Variants in SENP6 observed in about 807,000 individuals in gnomAD.
SENP6 encodes the protein SUMO specific peptidase 6, also known as sentrin-specific protease 6.
A neutral mutation model predicts 134.5 loss-of-function variants in SENP6; 41 were observed. The ratio of observed to expected loss-of-function variants is 0.30; its 90% CI spans 0.24 to 0.40. The LOEUF is 0.40. Among genes scored for constraint, SENP6 ranks in the 10% least tolerant of loss-of-function variants. The pLI, the probability that SENP6 is intolerant of heterozygous loss-of-function variation, is 1.00. For synonymous variants in SENP6, 395 were observed against 429.8 expected (o/e 0.92, Z 1.00); for missense variants, 1,248 against 1,312.5 (o/e 0.95, Z 0.76).
chr6:75,627,072 T>C (rs1768752918), intron 3 of SENP6, among the ~76,000 whole-genome samples: 1 of 152,128 alleles, frequency 6.6e-6, no homozygotes, highest in Non-Finnish European at 1.5e-5. Flanking sequence ...CAAGTGATTC[T>C]CCTGCCTCAG....
At chr6:75,624,055 T>TA in intron 3 of SENP6, 95 bp downstream of exon 3, 1 of 977,012 alleles carries the variant, frequency 1.0e-6, no homozygotes. Flanking sequence ...AAACCCCAGT[T>TA]ACCCACTTTC....
intron 16 of SENP6, among the ~76,000 whole-genome samples, chr6:75,689,839 A>G (rs1562053711): frequency 6.6e-6 from 1 of 152,170 alleles, no homozygotes; most frequent in Non-Finnish European, 1.5e-5. Context: ...GCACAACTTC[A>G]AATTACCTCA....
At chr6:75,646,151 A>G (rs1260712198) in intron 6 of SENP6, among the ~76,000 whole-genome samples, 2 of 152,242 alleles carry the variant, frequency 1.3e-5, no homozygotes, top group Non-Finnish European at 2.9e-5. Flanking sequence ...GTGAAAGTGT[A>G]TGGAATTTGA....
chr6:75,640,650 C>T (rs187147134), intron 5 of SENP6, 34 bp from the exon 6 acceptor site: 120 of 1,473,086 alleles, frequency 8.1e-5, no homozygotes, highest in Admixed American at 2.1e-5. Context: ...TGAGGTCTTG[C>T]CTCTTATATT....
intron 17 of SENP6, among the ~76,000 whole-genome samples, chr6:75,696,625 C>T (rs766672526): frequency 1.4e-4 from 22 of 152,116 alleles, no homozygotes; most frequent in Non-Finnish European, 2.8e-4. Flanking sequence ...CTAAGGCACA[C>T]GCCACTCCAC....
In SENP6 at chr6:75,602,710, G is replaced by C. The variant is rs755488357; in HGVS notation, c.52+134G>C. On this transcript the variant is annotated intron_variant, in intron 1 of 23. Transcript: ENST00000447266. ...TGAAGTACGAGGGATGAGCGATGACGGGGAGGGAGTGTGCTGCGAGCGCAC... is the reference window on the plus strand; with the variant it reads ...TGAAGTACGAGGGATGAGCGATGACCGGGAGGGAGTGTGCTGCGAGCGCAC... 7.3e-4 allele frequency: 674 copies of C among 928,356 alleles called. 1 individual carries two copies. Among genetic ancestry groups the C allele is most frequent in the Non-Finnish European group, 1.0e-3 (630 of 612,644 alleles). The allele number at this position is 928,356 out of a possible 1,614,324, so 57.5% of individuals were successfully genotyped here. A position where few individuals can be genotyped will look rare whatever the true frequency, so the allele number is the denominator to read the frequency against.
At chr6:75,618,975 T>A (rs954606720) in intron 1 of SENP6, among the ~76,000 whole-genome samples, 1 of 152,024 alleles carries the variant, frequency 6.6e-6, no homozygotes, top group Non-Finnish European at 1.5e-5. Context: ...GTTTTATATT[T>A]TTTAGAGAGG....
intron 1 of SENP6, chr6:75,620,829 AT>A (rs1405560229): frequency 6.6e-6 from 1 of 151,886 alleles, no homozygotes; most frequent in African/African-American, 2.4e-5. Flanking sequence ...CTGACATCTC[AT>A]TTTGCTGGGG....
At chr6:75,695,603 G>GGT (rs1774607784) in intron 16 of SENP6, among the ~76,000 whole-genome samples, 1 of 152,170 alleles carries the variant, frequency 6.6e-6, no homozygotes, top group African/African-American at 2.4e-5. Flanking sequence ...TGGGCGTGGT[G>GGT]GTGTGTGCCT....
intron 1 of SENP6, among the ~76,000 whole-genome samples, chr6:75,609,525 C>G (rs980240077): frequency 2.6e-5 from 4 of 152,184 alleles, no homozygotes; most frequent in Admixed American, 1.3e-4. Flanking sequence ...TTGCAGCTAT[C>G]TTTAATCTAT....
intron 11 of SENP6, among the ~76,000 whole-genome samples, chr6:75,671,804 G>A (rs1772699690): frequency 6.6e-6 from 1 of 152,056 alleles, no homozygotes; most frequent in Admixed American, 6.5e-5. Context: ...AATAATAACT[G>A]TTTCTTTTCT....
intron 3 of SENP6, among the ~76,000 whole-genome samples, chr6:75,625,835 C>A (rs968736593): frequency 2.0e-5 from 3 of 152,178 alleles, no homozygotes; most frequent in Non-Finnish European, 2.9e-5. Flanking sequence ...CGCCACTGCA[C>A]TCCAGCCTGG....
chr6:75,617,877 CTG>C (rs1158146984), intron 1 of SENP6, among the ~76,000 whole-genome samples: 1 of 152,122 alleles, frequency 6.6e-6, no homozygotes, highest in Non-Finnish European at 1.5e-5. Flanking sequence ...GTACAAAATA[CTG>C]TATACAGGTA....
At chr6:75,634,395 C>T (rs1022868821) in intron 4 of SENP6, among the ~76,000 whole-genome samples, 1 of 152,070 alleles carries the variant, frequency 6.6e-6, no homozygotes, top group Non-Finnish European at 1.5e-5. Flanking sequence ...TACAGGTGCC[C>T]ACCACCATGC....
At chr6:75,620,955 T>C (rs1049231642) in intron 1 of SENP6, among the ~76,000 whole-genome samples, 6 of 152,330 alleles carry the variant, frequency 3.9e-5, no homozygotes, top group Middle Eastern at 3.4e-3. Context: ...GTTCCCACTT[T>C]CTAATTGTTA....
At position 75,694,829 on chromosome 6, in the gene SENP6, A is replaced by G. The variant is rs549753912; in HGVS notation, c.2076-975A>G. 6.6e-5 allele frequency among the ~76,000 whole-genome samples: 10 copies of G among 152,224 alleles called. No individual in the cohort carries two copies. In the East Asian group the frequency reaches 1.4e-3, roughly 21 times the overall value. On this transcript the variant is annotated intron_variant, in intron 16 of 23. Transcript: ENST00000447266. Reference sequence around the variant, plus strand: ...GGGCTATTATGAATAATGTGGGGACATATGCTCTACTCTAGATTTAGAGTG... The same window carrying G: ...GGGCTATTATGAATAATGTGGGGACGTATGCTCTACTCTAGATTTAGAGTG...
At chr6:75,667,869 TATATC>T (rs1157966680) in intron 10 of SENP6, among the ~76,000 whole-genome samples, 1 of 152,184 alleles carries the variant, frequency 6.6e-6, no homozygotes, top group African/African-American at 2.4e-5. Flanking sequence ...AATTAGAACT[TATATC>T]AGTGACTTTT....
intron 16 of SENP6, among the ~76,000 whole-genome samples, chr6:75,683,067 G>C (rs147887866): frequency 1.3e-5 from 2 of 152,166 alleles, no homozygotes. Flanking sequence ...TCCAGCATCT[G>C]TTGTTTCCTG....
chr6:75,703,469 T>G (rs1377064997), intron 19 of SENP6, among the ~76,000 whole-genome samples: 1 of 152,036 alleles, frequency 6.6e-6, no homozygotes, highest in African/African-American at 2.4e-5. Context: ...CAATCAAAAT[T>G]GAGAACCTGA....
Sources: allele counts gnomAD v4.1 joint callset (sites outside exome capture counted in the v4.1 genomes callset), GRCh38; gene constraint gnomAD v4.1.1; transcripts MANE v1.5; gene names NCBI Gene and HGNC (gene_info 2026-07-23, HGNC 2026-07-21).